Variants in EMC8 observed in about 807,000 individuals in gnomAD.
The protein encoded by EMC8 is COX4 neighbor.
EMC8 carries 11 observed loss-of-function variants against 24.3 expected under a neutral mutation model. The observed-to-expected ratio is 0.45, with a 90% confidence interval of 0.28 to 0.75. EMC8 has a LOEUF of 0.75. EMC8 is among the 30% of genes least tolerant of loss of function. EMC8 has a pLI of 0.12. For missense variants in EMC8, 277 were observed against 282.7 expected, an observed-to-expected ratio of 0.98 and a Z score of 0.14; for synonymous variants, 145 against 117.7, an observed-to-expected ratio of 1.23 and a Z score of -1.50.
intron 2 of EMC8, 113 bp from the exon 3 acceptor site, chr16:85,781,393 C>G: frequency 1.3e-6 from 1 of 744,778 alleles, no homozygotes. Context: ...ACTGGCAGAG[C>G]CAACAGGCTG....
chr16:85,781,475 A>C, intron 2 of EMC8, 195 bp from the exon 3 acceptor site: 1 of 548,324 alleles, frequency 1.8e-6, no homozygotes, highest in Non-Finnish European at 3.3e-6. Context: ...CTGCTGCCCT[A>C]GCTGGAGTGT....
chr16:85,781,031 A>C, intron 3 of EMC8, 180 bp downstream of exon 3: 1 of 592,270 alleles, frequency 1.7e-6, no homozygotes, highest in Non-Finnish European at 3.0e-6. Context: ...GCGGAAGCAC[A>C]GAAGCCATGG....
chr16:85,783,100 C>T (rs1465683026), intron 2 of EMC8, among the ~76,000 whole-genome samples: 2 of 152,122 alleles, frequency 1.3e-5, no homozygotes, highest in African/African-American at 2.4e-5. Context: ...GTCAGGAGTT[C>T]GAGACCAGCC....
chr16:85,784,061 C>T (rs974488515), intron 2 of EMC8, among the ~76,000 whole-genome samples: 1 of 152,044 alleles, frequency 6.6e-6, no homozygotes, highest in Admixed American at 6.6e-5. Context: ...TGCAGTGGCG[C>T]GATCTCGGCT....
At chr16:85,798,367 C>T (rs562572761) in intron 1 of EMC8, among the ~76,000 whole-genome samples, 1 of 152,168 alleles carries the variant, frequency 6.6e-6, no homozygotes, top group South Asian at 2.1e-4. Flanking sequence ...GGTGATCCGC[C>T]TGCCTCGGCC....
At chr16:85,792,052 G>C (rs930103886) in intron 1 of EMC8, among the ~76,000 whole-genome samples, 8 of 152,182 alleles carry the variant, frequency 5.3e-5, no homozygotes, top group African/African-American at 1.7e-4. Context: ...AAGACCCCCA[G>C]CAGCAGTCTC....
intron 2 of EMC8, among the ~76,000 whole-genome samples, chr16:85,782,571 C>G (rs1292464267): frequency 3.3e-5 from 5 of 152,198 alleles, no homozygotes; most frequent in African/African-American, 9.6e-5. Flanking sequence ...CCGGTTCCCT[C>G]TAGCTGCTGT....
At chr16:85,798,363 C>T (rs991271850) in intron 1 of EMC8, among the ~76,000 whole-genome samples, 14 of 151,980 alleles carry the variant, frequency 9.2e-5, no homozygotes, top group African/African-American at 3.4e-4. Context: ...CTCAGGTGAT[C>T]CGCCTGCCTC....
chr16:85,779,607 G>C lies in EMC8; in HGVS notation c.*101C>G, dbSNP rs922845722. The C allele has an allele frequency of 7.8e-7, 1 of 1,285,152 alleles. No individual in the cohort carries two copies. The highest frequency in any genetic ancestry group is 1.5e-5 in the African/African-American group (1 of 68,318). 79.6% of individuals were successfully genotyped at this position (1,285,152 alleles called of 1,614,324 possible). On this transcript the variant is annotated 3_prime_UTR_variant, in exon 5 of 5. Transcript: ENST00000253457. The stretch of plus-strand genomic sequence containing the variant: ...CACATGCCACTTCTTAAAACGGTCA[G>C]CTTTCCACACAGGCTACAAGATATT...
intron 2 of EMC8, among the ~76,000 whole-genome samples, chr16:85,783,181 T>C (rs1450654971): frequency 6.6e-6 from 1 of 152,168 alleles, no homozygotes; most frequent in African/African-American, 2.4e-5. Flanking sequence ...TGCACATCTG[T>C]AGACCCAGCT....
rs141862422 is a variant in EMC8 at position 85,780,288 on chromosome 16, C to T, written c.473+91G>A. 4.0e-5 allele frequency: 37 copies of T among 929,854 alleles called. No individual in the cohort carries two copies. The Middle Eastern group carries it at 7.0e-4, about 17-fold the overall frequency. 57.6% of individuals were successfully genotyped at this position (929,854 alleles called of 1,614,324 possible). On this transcript the variant is annotated intron_variant, in intron 4 of 4. Transcript: ENST00000253457. ...TGGTATCATGCTTCTGGAGAAAACG[C>T]TAACTGAAAACACAGGCGGGGTGAG... is the stretch of plus-strand genomic sequence containing the variant.
intron 1 of EMC8, among the ~76,000 whole-genome samples, chr16:85,792,045 A>AC (rs1905035540): frequency 6.6e-6 from 1 of 152,010 alleles, no homozygotes; most frequent in Non-Finnish European, 1.5e-5. Context: ...CTTCCTGAAG[A>AC]CCCCCAGCAG....
intron 1 of EMC8, among the ~76,000 whole-genome samples, chr16:85,794,577 T>C (rs56306388): frequency 0.082 from 12,441 of 152,156 alleles, 673 homozygotes; most frequent in Middle Eastern, 0.14. Context: ...TAGTACCAGC[T>C]ACTTGGGAGG....
At chr16:85,791,917 C>T (rs1905028375) in intron 1 of EMC8, among the ~76,000 whole-genome samples, 1 of 152,212 alleles carries the variant, frequency 6.6e-6, no homozygotes, top group South Asian at 2.1e-4. Context: ...CCTTTTGCTA[C>T]ATAAGGCCTG....
At chr16:85,795,921 G>A (rs558178118) in intron 1 of EMC8, among the ~76,000 whole-genome samples, 177 of 152,238 alleles carry the variant, frequency 1.2e-3, no homozygotes, top group South Asian at 8.7e-3. Context: ...GCTGGTGGCC[G>A]CTGCTTGGTG....
Position 85,799,320 on chromosome 16 carries a change from C to A in EMC8, c.-25G>T. On this transcript the variant is annotated 5_prime_UTR_variant, in exon 1 of 5. Coordinates refer to ENST00000253457, the MANE Select transcript of EMC8 (RefSeq NM_006067.5). The surrounding 1 kb of genome is among the most constrained non-coding windows in gnomAD (Gnocchi z 4.2). The stretch of plus-strand genomic sequence containing the variant: ...TGCTGACCCGGGAGGGCCCCGGAGG[C>A]CCCTGGGCGCGCGGCTGAGGCCTGG... 6.5e-7 allele frequency: 1 copy of A among 1,529,080 alleles called. No homozygotes were observed. Among genetic ancestry groups the A allele is most frequent in the South Asian group, 1.1e-5 (1 of 86,996 alleles). The allele number at this position is 1,529,080 out of a possible 1,614,324, so 94.7% of individuals were successfully genotyped here.
chr16:85,794,338 G>A (rs905534335), intron 1 of EMC8, among the ~76,000 whole-genome samples: 16 of 152,182 alleles, frequency 1.1e-4, no homozygotes, highest in African/African-American at 2.9e-4. Context: ...CATGGGCACT[G>A]GATTGCTGTC....
intron 1 of EMC8, among the ~76,000 whole-genome samples, chr16:85,789,595 A>C (rs1904910393): frequency 6.6e-6 from 1 of 151,906 alleles, no homozygotes; most frequent in Non-Finnish European, 1.5e-5. Context: ...AGTTCGAGAC[A>C]AGCCTGGCCA....
Position 85,779,532 on chromosome 16 carries a change from G to A in EMC8, c.*176C>T. 3.3e-6 allele frequency: 2 copies of A among 600,280 alleles called. No homozygotes were observed. The highest frequency in any genetic ancestry group is 5.9e-6 in the Non-Finnish European group (2 of 340,424). The allele number at this position is 600,280 out of a possible 1,614,324, so 37.2% of individuals were successfully genotyped here. A position where few individuals can be genotyped will look rare whatever the true frequency, so the allele number is the denominator to read the frequency against. ...ACGGGATGTCTGCACCTCTTCTAGA[G>A]ACTCTGTGTTAAAAACACGACCGAC... is the stretch of plus-strand genomic sequence containing the variant. On this transcript the variant is annotated 3_prime_UTR_variant, in exon 5 of 5. Transcript: ENST00000253457.
Sources: allele counts gnomAD v4.1 joint callset (sites outside exome capture counted in the v4.1 genomes callset), GRCh38; gene constraint gnomAD v4.1.1; non-coding constraint Gnocchi (gnomAD v3.1); transcripts MANE v1.5; gene names NCBI Gene and HGNC (gene_info 2026-07-23, HGNC 2026-07-21).